PRORP: variants seen among roughly 807,000 people sequenced by gnomAD.
PRORP encodes the protein mitochondrial ribonuclease P catalytic subunit.
Under a neutral mutation model 59.4 loss-of-function variants are expected in PRORP, and 51 were observed. The observed-to-expected ratio is 0.86, with a 90% CI of 0.69 to 1.08. The LOEUF is 1.08. Among genes scored for constraint, PRORP ranks in the 50% least tolerant of loss-of-function variants. The pLI is 0.00. For synonymous variants in PRORP, 231 were observed against 245.6 expected (o/e 0.94, Z 0.55); for missense variants, 646 against 690.3 (o/e 0.94, Z 0.72).
intron 4 of PRORP, among the ~76,000 whole-genome samples, chr14:35,148,425 T>C (rs1487752467): frequency 6.6e-6 from 1 of 152,208 alleles, no homozygotes; most frequent in Non-Finnish European, 1.5e-5. Flanking sequence ...AGTCTTTTTT[T>C]TGGAGCAGTA....
At chr14:35,179,567 G>A (rs576465530) in intron 4 of PRORP, among the ~76,000 whole-genome samples, 22 of 152,162 alleles carry the variant, frequency 1.4e-4, no homozygotes, top group Non-Finnish European at 2.4e-4. Flanking sequence ...CGTAGTTCTC[G>A]TGCCATGGTT....
chr14:35,250,841 C>T (rs2050594600), intron 5 of PRORP, among the ~76,000 whole-genome samples: 1 of 152,008 alleles, frequency 6.6e-6, no homozygotes. Flanking sequence ...TTGGAGGTGG[C>T]CAATCTCCAT....
intron 5 of PRORP, among the ~76,000 whole-genome samples, chr14:35,217,699 A>G (rs1316223891): frequency 6.6e-6 from 1 of 151,788 alleles, no homozygotes; most frequent in African/African-American, 2.4e-5. Flanking sequence ...TGAAAAGACT[A>G]TTTTTCTCCT....
chr14:35,221,571 C>T (rs2049784316), intron 5 of PRORP, among the ~76,000 whole-genome samples: 1 of 152,146 alleles, frequency 6.6e-6, no homozygotes, highest in African/African-American at 2.4e-5. Context: ...AGTCACCTCA[C>T]CCTGGCTCCA....
rs139724796 is a variant in PRORP at position 35,172,333 on chromosome 14, T to A, written c.1168-8337T>A. On this transcript the variant is annotated intron_variant, in intron 4 of 7. Transcript: ENST00000534898. ...CAAAGTACTGGGATTACAGGCAGAA[T>A]TCTTGATTATATTTGCAATAGTTAC... 2.2e-3 allele frequency among the ~76,000 whole-genome samples: 326 copies of A among 151,616 alleles called. 2 individuals carry two copies. Among genetic ancestry groups the A allele is most frequent in the Non-Finnish European group, 3.4e-3 (229 of 67,822 alleles).
At chr14:35,211,674 A>G (rs140359626) in intron 5 of PRORP, among the ~76,000 whole-genome samples, 110 of 152,364 alleles carry the variant, frequency 7.2e-4, no homozygotes, top group Admixed American at 3.7e-3. Context: ...AAATTTTAAA[A>G]TACTTTATTG....
chr14:35,191,204 G>A (rs1566487941), intron 5 of PRORP, among the ~76,000 whole-genome samples: 1 of 152,118 alleles, frequency 6.6e-6, no homozygotes, highest in South Asian at 2.1e-4. Context: ...CCCTCATACT[G>A]TTCTTGTGGT....
intron 5 of PRORP, among the ~76,000 whole-genome samples, chr14:35,240,137 T>G (rs2050324809): frequency 6.6e-6 from 1 of 152,022 alleles, no homozygotes; most frequent in African/African-American, 2.4e-5. Flanking sequence ...AGGAATGTTG[T>G]ACTGATTGGA....
At chr14:35,192,043 C>T (rs2048896071) in intron 5 of PRORP, among the ~76,000 whole-genome samples, 1 of 152,150 alleles carries the variant, frequency 6.6e-6, no homozygotes, top group South Asian at 2.1e-4. Flanking sequence ...TCATGCTTGC[C>T]TCAATAACTT....
At chr14:35,174,816 A>C (rs1271561813) in intron 4 of PRORP, among the ~76,000 whole-genome samples, 1 of 148,884 alleles carries the variant, frequency 6.7e-6, no homozygotes, top group African/African-American at 2.5e-5. Flanking sequence ...GTTTGTATAC[A>C]TGTGCCATGT....
intron 5 of PRORP, among the ~76,000 whole-genome samples, chr14:35,258,021 G>C (rs553708813): frequency 2.7e-5 from 4 of 150,676 alleles, no homozygotes; most frequent in Admixed American, 2.7e-4. Context: ...CTTTTCATCA[G>C]TTTTATGCCA....
At chr14:35,192,801 C>G (rs1046063285) in intron 5 of PRORP, among the ~76,000 whole-genome samples, 10 of 151,978 alleles carry the variant, frequency 6.6e-5, no homozygotes, top group Non-Finnish European at 1.5e-4. Context: ...CAAGACCAGC[C>G]TGACCAACAC....
rs564381453 is a variant in PRORP, at chr14:35,212,996, G to A, written c.1275+32219G>A. ...CTTCTCCATCAGCACTTGCTACTTC[G>A]TCTTACACTTTTATGTCATGGAGAT... On this transcript the variant is annotated intron_variant, in intron 5 of 7. Transcript: ENST00000534898. Among the ~76,000 whole-genome samples the A allele has an allele frequency of 3.9e-5, 6 of 152,254 alleles. No individual in the cohort carries two copies. The East Asian group carries it at 5.8e-4, about 15-fold the overall frequency.
At chr14:35,236,096 C>CAAAAA (rs59458917) in intron 5 of PRORP, among the ~76,000 whole-genome samples, 6 of 62,428 alleles carry the variant, frequency 9.6e-5, no homozygotes, top group Non-Finnish European at 1.9e-4. Flanking sequence ...ACCCCATCTC[C>CAAAAA]AAAAAAAAAA....
At chr14:35,208,716 A>G (rs967859823) in intron 5 of PRORP, among the ~76,000 whole-genome samples, 8 of 148,264 alleles carry the variant, frequency 5.4e-5, no homozygotes, top group Non-Finnish European at 1.0e-4. Flanking sequence ...CTAAAAATAC[A>G]AAAATTAGGC....
At chr14:35,207,192 C>G (rs1298542117) in intron 5 of PRORP, among the ~76,000 whole-genome samples, 3 of 152,118 alleles carry the variant, frequency 2.0e-5, no homozygotes, top group Non-Finnish European at 4.4e-5. Context: ...TGGGCACATG[C>G]ATATATTTAT....
chr14:35,261,747 C>T lies in PRORP; in HGVS notation c.1276-4980C>T, dbSNP rs182024054. ...CTGTCTCAAAAAAAAAACAAACAAA[C>T]TATTCCAAGTATACCTATGACACTG... On this transcript the variant is annotated intron_variant, in intron 5 of 7. Coordinates refer to ENST00000534898, the MANE Select transcript of PRORP (RefSeq NM_014672.4). Among the ~76,000 whole-genome samples, 623 of 152,064 alleles carry T rather than the reference C, an allele frequency of 4.1e-3. 5 individuals are homozygous for T. The highest frequency in any genetic ancestry group is 0.014 in the African/African-American group (590 of 41,518).
At chr14:35,207,871 G>A (rs2049333131) in intron 5 of PRORP, among the ~76,000 whole-genome samples, 1 of 152,186 alleles carries the variant, frequency 6.6e-6, no homozygotes, top group African/African-American at 2.4e-5. Context: ...GATGTAACTG[G>A]CCGGGCGCGG....
chr14:35,190,423 G>T (rs1470314268), intron 5 of PRORP, among the ~76,000 whole-genome samples: 1 of 151,732 alleles, frequency 6.6e-6, no homozygotes, highest in East Asian at 1.9e-4. Flanking sequence ...AAAAAGTATT[G>T]CAAAATGGTC....
Sources: gnomAD v4.1 joint callset for allele counts (sites outside exome capture counted in the v4.1 genomes callset) on GRCh38, gnomAD v4.1.1 for gene constraint, MANE v1.5 for transcripts, NCBI Gene and HGNC (gene_info 2026-07-23, HGNC 2026-07-21) for gene names.